The following RBMS2 variants were observed in gnomAD, a reference collection of about 807,000 sequenced individuals.
RBMS2 encodes the protein RNA-binding motif, single-stranded-interacting protein 2.
In RBMS2, 38 loss-of-function variants were observed where a neutral mutation model predicts 58.4. That is an observed-to-expected ratio of 0.65 (90% CI 0.50 to 0.85). RBMS2 has a LOEUF of 0.85. Ranked by LOEUF, RBMS2 falls within the 40% of genes least tolerant of loss-of-function variation. RBMS2 has a pLI of 0.00. For missense variants in RBMS2, 367 were observed against 503.7 expected (o/e 0.73, Z 2.60); for synonymous variants, 151 against 180.7 (o/e 0.84, Z 1.32).
At position 56,595,240 on chromosome 12, in the gene RBMS2, C is replaced by T. The variant is rs1159142051; in HGVS notation, c.*6107C>T. On this transcript the variant is annotated 3_prime_UTR_variant, in exon 14 of 14. Coordinates refer to ENST00000262031, the MANE Select transcript of RBMS2 (RefSeq NM_002898.4). ...TTTATAAGGCTGGAAGCGAATGTTC[C>T]TTTTCTACCTTAACATACAGTTTAG... 1 of 152,162 alleles carries T rather than the reference C, an allele frequency of 6.6e-6. No homozygotes were observed. Among genetic ancestry groups the T allele is most frequent in the African/African-American group, 2.4e-5 (1 of 41,418 alleles). The allele number at this position is 152,162 out of a possible 1,614,324, so 9.4% of individuals were successfully genotyped here. A position where few individuals can be genotyped will look rare whatever the true frequency, so the allele number is the denominator to read the frequency against.
At chr12:56,572,120 C>A (rs1290489360) in intron 5 of RBMS2, among the ~76,000 whole-genome samples, 1 of 151,842 alleles carries the variant, frequency 6.6e-6, no homozygotes, top group Non-Finnish European at 1.5e-5. Context: ...GAAACCCCGT[C>A]TCTACTAAAA....
chr12:56,539,263 C>T (rs1875624200), intron 1 of RBMS2, among the ~76,000 whole-genome samples: 1 of 152,162 alleles, frequency 6.6e-6, no homozygotes, highest in South Asian at 2.1e-4. Context: ...GTGATTCACC[C>T]ACCTCAGCCT....
At chr12:56,557,693 G>C (rs1277515916) in intron 1 of RBMS2, among the ~76,000 whole-genome samples, 3 of 151,608 alleles carry the variant, frequency 2.0e-5, no homozygotes, top group African/African-American at 7.3e-5. Context: ...TTAAAACCAA[G>C]ATGGTAAGCA....
intron 9 of RBMS2, among the ~76,000 whole-genome samples, chr12:56,586,393 C>T (rs939340356): frequency 6.6e-6 from 1 of 151,944 alleles, no homozygotes; most frequent in African/African-American, 2.4e-5. Flanking sequence ...GCACTCCAGC[C>T]TGGGCAACAG....
chr12:56,551,969 TC>T (rs1319369908), intron 1 of RBMS2, among the ~76,000 whole-genome samples: 2 of 152,126 alleles, frequency 1.3e-5, no homozygotes, highest in African/African-American at 4.8e-5. Context: ...GCGCCTGTAG[TC>T]CCAGGTACGT....
At chr12:56,588,086 G>A (rs1005588136) in intron 11 of RBMS2, among the ~76,000 whole-genome samples, 2 of 152,152 alleles carry the variant, frequency 1.3e-5, no homozygotes. Context: ...TCAGGAAAGA[G>A]GAGGAAAATA....
chr12:56,531,700 C>T (rs2136254223), intron 1 of RBMS2, among the ~76,000 whole-genome samples: 1 of 150,912 alleles, frequency 6.6e-6, no homozygotes, highest in Non-Finnish European at 1.5e-5. Context: ...TGGTGGTGGG[C>T]ACCTGTAATC....
rs11448072 is a variant in RBMS2, at chr12:56,555,072, T to TAA, written c.67-7336_67-7335dup. Among the ~76,000 whole-genome samples the TAA allele has an allele frequency of 7.0e-3, 1,047 of 148,942 alleles. 13 individuals are homozygous for TAA. The highest frequency in any genetic ancestry group is 0.024 in the African/African-American group (989 of 40,854). On this transcript the variant is annotated intron_variant, in intron 1 of 13. Coordinates refer to ENST00000262031, the MANE Select transcript of RBMS2 (RefSeq NM_002898.4). ...TCTGAATAAAAGGATATATACACTTTAAAAAAAAAAGATTTAGGGCTTTGA... is the reference window on the plus strand; with the variant it reads ...TCTGAATAAAAGGATATATACACTTTAAAAAAAAAAAAGATTTAGGGCTTTGA...
At chr12:56,525,501 C>T (rs1304222810) in intron 1 of RBMS2, among the ~76,000 whole-genome samples, 2 of 152,132 alleles carry the variant, frequency 1.3e-5, no homozygotes. Context: ...GGATTACAGG[C>T]GTGAGCCACT....
In RBMS2 at chr12:56,595,430, G is replaced by A. The variant is rs986798477; in HGVS notation, c.*6297G>A. 1 of 151,858 alleles carries A rather than the reference G, an allele frequency of 6.6e-6. No homozygotes were observed. The highest frequency in any genetic ancestry group is 2.4e-5 in the African/African-American group (1 of 41,346). 9.4% of individuals were successfully genotyped at this position (151,858 alleles called of 1,614,324 possible). A position where few individuals can be genotyped will look rare whatever the true frequency, so the allele number is the denominator to read the frequency against. ...GACATATTTTGCATATTTTTATCTG[G>A]AGACTTCTTCTAGTTTTATACTCTT... On this transcript the variant is annotated 3_prime_UTR_variant, in exon 14 of 14. Transcript: ENST00000262031.
At chr12:56,545,276 G>T (rs927600745) in intron 1 of RBMS2, among the ~76,000 whole-genome samples, 3 of 152,020 alleles carry the variant, frequency 2.0e-5, no homozygotes. Flanking sequence ...AGTATTCCAT[G>T]GTGTATATAC....
chr12:56,562,697 C>A, intron 2 of RBMS2, 114 bp downstream of exon 2: 1 of 1,197,452 alleles, frequency 8.4e-7, no homozygotes, highest in Non-Finnish European at 1.2e-6. Flanking sequence ...AAGTGATCCT[C>A]CTGTCTCAGT....
intron 1 of RBMS2, among the ~76,000 whole-genome samples, chr12:56,540,760 C>G (rs1875935422): frequency 6.6e-6 from 1 of 152,094 alleles, no homozygotes; most frequent in Non-Finnish European, 1.5e-5. Context: ...TGAGGTCAAG[C>G]AACTTATCCA....
Position 56,584,947 on chromosome 12 carries a change from C to T in RBMS2, c.874-1902C>T, listed in dbSNP as rs1204215334. ...CAAGTGATTCTCCTGCCTCAGCCTC[C>T]CAAGTAGCTGGGATTACAGGCATAT... On this transcript the variant is annotated intron_variant, in intron 9 of 13. Coordinates refer to ENST00000262031, the MANE Select transcript of RBMS2 (RefSeq NM_002898.4). 3.3e-5 allele frequency among the ~76,000 whole-genome samples: 5 copies of T among 151,712 alleles called. No homozygotes were observed. The East Asian group carries it at 9.7e-4, about 30-fold the overall frequency.
At chr12:56,573,175 A>T in intron 5 of RBMS2, 1 of 984,304 alleles carries the variant, frequency 1.0e-6, no homozygotes, top group Non-Finnish European at 1.2e-6. Flanking sequence ...AGACCTTGGG[A>T]ACAAGAAATA....
intron 9 of RBMS2, among the ~76,000 whole-genome samples, chr12:56,582,921 C>G (rs967469518): frequency 7.2e-5 from 11 of 152,022 alleles, no homozygotes; most frequent in African/African-American, 2.7e-4. Flanking sequence ...CCGCCCGCCT[C>G]GGCCTCCCAA....
chr12:56,521,227 G>A (rs1194788947), upstream of RBMS2, among the ~76,000 whole-genome samples: 9 of 151,900 alleles, frequency 5.9e-5, no homozygotes, highest in Non-Finnish European at 1.3e-4. Flanking sequence ...TCAGGAGTTC[G>A]AGACCAGCCT....
In RBMS2 at chr12:56,522,969, A is replaced by C. The variant is rs184149394; in HGVS notation, c.66+880A>C. 2.1e-3 allele frequency among the ~76,000 whole-genome samples: 315 copies of C among 152,298 alleles called. 2 individuals carry two copies. The highest frequency in any genetic ancestry group is 7.1e-3 in the African/African-American group (295 of 41,570). On this transcript the variant is annotated intron_variant, in intron 1 of 13. Coordinates refer to ENST00000262031, the MANE Select transcript of RBMS2 (RefSeq NM_002898.4). The stretch of plus-strand genomic sequence containing the variant: ...AGCTGTTCTTTGAAGAAAAAATGTG[A>C]CATAGACATTTAGGGAATCTTTTGC...
At chr12:56,557,741 CTT>C (rs529458824) in intron 1 of RBMS2, among the ~76,000 whole-genome samples, 17 of 141,318 alleles carry the variant, frequency 1.2e-4, no homozygotes, top group Non-Finnish European at 1.1e-4. Context: ...CTTTTCTTTT[CTT>C]TTTTTTTTTT....
Sources: gnomAD v4.1 joint callset for allele counts (sites outside exome capture counted in the v4.1 genomes callset) on GRCh38, gnomAD v4.1.1 for gene constraint, MANE v1.5 for transcripts, NCBI Gene and HGNC (gene_info 2026-07-23, HGNC 2026-07-21) for gene names.